The following MFSD6 variants were observed in gnomAD, a reference collection of about 807,000 sequenced individuals.
The protein encoded by MFSD6 is major facilitator superfamily domain containing 6.
In MFSD6, 26 loss-of-function variants were observed where a neutral mutation model predicts 56.3. That is an observed-to-expected ratio of 0.46 (90% confidence interval 0.34 to 0.64). The LOEUF is 0.64. Among genes scored for constraint, MFSD6 ranks in the 30% least tolerant of loss-of-function variants. The pLI, the probability that MFSD6 is intolerant of heterozygous loss-of-function variation, is 0.01. For missense variants in MFSD6, 750 were observed against 986.2 expected, an observed-to-expected ratio of 0.76 and a Z score of 3.21; for synonymous variants, 331 against 366.9, an observed-to-expected ratio of 0.90 and a Z score of 1.12.
rs1225599501 is a variant in MFSD6 at position 190,434,034 on chromosome 2, T to C, written c.-53-1943T>C. ...GGCAAAAACCCCATCTCTACAAAAA[T>C]TAGTTGGGCATGGTGGCACACGTCT... On this transcript the variant is annotated intron_variant, in intron 2 of 7. Coordinates refer to ENST00000392328, the MANE Select transcript of MFSD6 (RefSeq NM_017694.4). This position sits in a 1 kb window ranked among gnomAD's most constrained non-coding sequence, Gnocchi z 4.3. Among the ~76,000 whole-genome samples the C allele has an allele frequency of 6.6e-6, 1 of 151,658 alleles. No homozygotes were observed. Among genetic ancestry groups the C allele is most frequent in the Non-Finnish European group, 1.5e-5 (1 of 67,926 alleles).
chr2:190,422,856 T>G (rs1685671799), intron 2 of MFSD6, among the ~76,000 whole-genome samples: 1 of 152,184 alleles, frequency 6.6e-6, no homozygotes, highest in Non-Finnish European at 1.5e-5. Context: ...GGAGATGCTA[T>G]ATCTGTCTCA....
chr2:190,439,298 G>A lies in MFSD6; in HGVS notation c.1532+1737G>A, dbSNP rs1043427103. On this transcript the variant is annotated intron_variant, in intron 3 of 7. Coordinates refer to ENST00000392328, the MANE Select transcript of MFSD6 (RefSeq NM_017694.4). This position sits in a 1 kb window ranked among gnomAD's most constrained non-coding sequence, Gnocchi z 5.8. ...GACATCATTATTTAATAAGTCAATA[G>A]CATGAGTTGAACACTGACTCAGTAC... 6.6e-6 allele frequency among the ~76,000 whole-genome samples: 1 copy of A among 152,004 alleles called. No homozygotes were observed. The highest frequency in any genetic ancestry group is 1.9e-4 in the East Asian group (1 of 5,188).
rs1022169566 is a variant in MFSD6 at position 190,458,293 on chromosome 2, G to A, written c.1533-11465G>A. Among the ~76,000 whole-genome samples the A allele has an allele frequency of 3.9e-5, 6 of 152,088 alleles. No individual in the cohort carries two copies. ...AAGGATGTCATGAAATTAAAATCAGGTCATTAGGGTCAGCCCTCATCTGTT... is the reference window on the plus strand; with the variant it reads ...AAGGATGTCATGAAATTAAAATCAGATCATTAGGGTCAGCCCTCATCTGTT... On this transcript the variant is annotated intron_variant, in intron 3 of 7. Transcript: ENST00000392328. The surrounding 1 kb of genome is among the most constrained non-coding windows in gnomAD (Gnocchi z 5.3).
At position 190,431,471 on chromosome 2, in the gene MFSD6, G is replaced by C. The variant is rs1213010137; in HGVS notation, c.-53-4506G>C. ...CAATCCCGGCACCTCTGGAGGCCGA[G>C]GCTGGCGGATCACTCGCGATTAGGA... On this transcript the variant is annotated intron_variant, in intron 2 of 7. Transcript: ENST00000392328. The surrounding 1 kb of genome is among the most constrained non-coding windows in gnomAD (Gnocchi z 4.4). 2.0e-5 allele frequency among the ~76,000 whole-genome samples: 3 copies of C among 152,260 alleles called. No individual in the cohort carries two copies. The highest frequency in any genetic ancestry group is 4.1e-4 in the South Asian group (2 of 4,832).
rs571519137 is a variant in MFSD6, at chr2:190,488,059, C to T, written c.1631-598C>T. Among the ~76,000 whole-genome samples the T allele has an allele frequency of 2.6e-5, 4 of 152,258 alleles. No homozygotes were observed. Among genetic ancestry groups the T allele is most frequent in the South Asian group, 2.1e-4 (1 of 4,824 alleles). Reference sequence around the variant, plus strand: ...CTGGGACTATAGGCGTGCACCACCACGCCAGGCTAATTTTTTGTATTTTAG... The same window carrying T: ...CTGGGACTATAGGCGTGCACCACCATGCCAGGCTAATTTTTTGTATTTTAG... On this transcript the variant is annotated intron_variant, in intron 4 of 7. Coordinates refer to ENST00000392328, the MANE Select transcript of MFSD6 (RefSeq NM_017694.4). The surrounding 1 kb of genome is among the most constrained non-coding windows in gnomAD (Gnocchi z 6.4).
At chr2:190,483,477 T>C (rs1688818198) in intron 4 of MFSD6, among the ~76,000 whole-genome samples, 2 of 152,224 alleles carry the variant, frequency 1.3e-5, no homozygotes, top group South Asian at 2.1e-4. Flanking sequence ...ATTGGAGGAA[T>C]AGATTCAATA....
intron 3 of MFSD6, among the ~76,000 whole-genome samples, chr2:190,468,745 C>T (rs1004487297): frequency 1.3e-5 from 2 of 151,610 alleles, no homozygotes; most frequent in Non-Finnish European, 2.9e-5. Context: ...AGGCATGAGT[C>T]AATACACTCA....
rs1334252013 is a variant in MFSD6 at position 190,489,087 on chromosome 2, AAATG to A, written c.1792+273_1792+276del. Among the ~76,000 whole-genome samples the A allele has an allele frequency of 1.3e-5, 2 of 152,228 alleles. No homozygotes were observed. The highest frequency in any genetic ancestry group is 4.8e-5 in the African/African-American group (2 of 41,452). ...CAGAGATCCCTCAAAGGAGCCAAAC[AAATG>A]AATTAGCATGAGTGCTTTTGGTCTA... On this transcript the variant is annotated intron_variant, in intron 5 of 7. Coordinates refer to ENST00000392328, the MANE Select transcript of MFSD6 (RefSeq NM_017694.4). The surrounding 1 kb of genome is among the most constrained non-coding windows in gnomAD (Gnocchi z 6.6).
chr2:190,455,261 A>C, intron 3 of MFSD6, among the ~76,000 whole-genome samples: 1 of 147,210 alleles, frequency 6.8e-6, no homozygotes, highest in Non-Finnish European at 1.5e-5. Flanking sequence ...CATTATTACT[A>C]TTAAGTTATT....
chr2:190,416,338 A>G lies in MFSD6; in HGVS notation c.-54+925A>G, dbSNP rs557900112. Among the ~76,000 whole-genome samples the G allele has an allele frequency of 3.4e-4, 52 of 152,338 alleles. No homozygotes were observed. Among genetic ancestry groups the G allele is most frequent in the African/African-American group, 1.2e-3 (49 of 41,570 alleles). On this transcript the variant is annotated intron_variant, in intron 2 of 7. Transcript: ENST00000392328. This position sits in a 1 kb window ranked among gnomAD's most constrained non-coding sequence, Gnocchi z 4.1. ...CCTTTTTCACCCTGTTAGCAAGTTG[A>G]AAGGAAATGTTAGAGAGGATTTCAG...
rs964662533 is a variant in MFSD6, at chr2:190,417,241, C to T, written c.-54+1828C>T. On this transcript the variant is annotated intron_variant, in intron 2 of 7. Transcript: ENST00000392328. This position sits in a 1 kb window ranked among gnomAD's most constrained non-coding sequence, Gnocchi z 5.7. ...TGTTTGTTCTGAAATGATACCATCA[C>T]AGGACTTCAGTACTGGATCATTAGC... is the stretch of plus-strand genomic sequence containing the variant. Among the ~76,000 whole-genome samples the T allele has an allele frequency of 1.3e-5, 2 of 152,162 alleles. No homozygotes were observed. Among genetic ancestry groups the T allele is most frequent in the Non-Finnish European group, 2.9e-5 (2 of 68,036 alleles).
rs990532825 is a variant in MFSD6 at position 190,496,735 on chromosome 2, A to G, written c.1892-704A>G. 5.3e-5 allele frequency among the ~76,000 whole-genome samples: 8 copies of G among 152,198 alleles called. No individual in the cohort carries two copies. Among genetic ancestry groups the G allele is most frequent in the Admixed American group, 5.2e-4 (8 of 15,288 alleles). On this transcript the variant is annotated intron_variant, in intron 6 of 7. Transcript: ENST00000392328. The surrounding 1 kb of genome is among the most constrained non-coding windows in gnomAD (Gnocchi z 4.7). ...ACAATGGAATACTACTCAGCCATAA[A>G]AAGGAATGAATTAATGGCATTCACA...
rs1248609972 is a variant in MFSD6 at position 190,424,108 on chromosome 2, G to A, written c.-54+8695G>A. ...CTTGTGTTTTCATCCTCTTTGCAGA[G>A]TCTTTTAAAGAGCAAAAGTTTTAAA... On this transcript the variant is annotated intron_variant, in intron 2 of 7. Coordinates refer to ENST00000392328, the MANE Select transcript of MFSD6 (RefSeq NM_017694.4). The surrounding 1 kb of genome is among the most constrained non-coding windows in gnomAD (Gnocchi z 5.9). Among the ~76,000 whole-genome samples, 2 of 152,040 alleles carry A rather than the reference G, an allele frequency of 1.3e-5. No homozygotes were observed. Among genetic ancestry groups the A allele is most frequent in the Non-Finnish European group, 2.9e-5 (2 of 68,002 alleles).
At chr2:190,482,015 A>AC (rs1559137085) in intron 4 of MFSD6, among the ~76,000 whole-genome samples, 1 of 151,944 alleles carries the variant, frequency 6.6e-6, no homozygotes. Flanking sequence ...GTTAGGTATG[A>AC]CCATGTGGTT....
intron 4 of MFSD6, among the ~76,000 whole-genome samples, chr2:190,473,557 C>A (rs1267409568): frequency 1.3e-5 from 2 of 152,104 alleles, no homozygotes; most frequent in Non-Finnish European, 2.9e-5. Flanking sequence ...TACAGGAGCA[C>A]CCAGATTCAT....
In MFSD6 at chr2:190,489,626, TG is replaced by T; in HGVS notation, c.1793-140del. ...CCCAGCCCTGTGTTTTTCCATTATG[TG>T]GAGCTAATACCCAACTACTTTTCTC... On this transcript the variant is annotated intron_variant, in intron 5 of 7. Coordinates refer to ENST00000392328, the MANE Select transcript of MFSD6 (RefSeq NM_017694.4). The surrounding 1 kb of genome is among the most constrained non-coding windows in gnomAD (Gnocchi z 6.6). The T allele has an allele frequency of 1.5e-6, 1 of 688,290 alleles. No homozygotes were observed. Among genetic ancestry groups the T allele is most frequent in the Non-Finnish European group, 2.4e-6 (1 of 411,622 alleles). 42.6% of individuals were successfully genotyped at this position (688,290 alleles called of 1,614,324 possible). A position where few individuals can be genotyped will look rare whatever the true frequency, so the allele number is the denominator to read the frequency against.
chr2:190,435,066 C>T (rs948842412), intron 2 of MFSD6, among the ~76,000 whole-genome samples: 1 of 152,170 alleles, frequency 6.6e-6, no homozygotes, highest in African/African-American at 2.4e-5. Context: ...CCAAAACCAA[C>T]CCCCCTCTCC....
At chr2:190,477,929 G>A (rs1047839044) in intron 4 of MFSD6, among the ~76,000 whole-genome samples, 2 of 147,274 alleles carry the variant, frequency 1.4e-5, no homozygotes, top group African/African-American at 2.4e-5. Context: ...GGTCTAAAGA[G>A]AGTAGGCATT....
chr2:190,486,251 G>A (rs767133033), intron 4 of MFSD6, among the ~76,000 whole-genome samples: 55 of 152,316 alleles, frequency 3.6e-4, no homozygotes, highest in Middle Eastern at 3.4e-3. Flanking sequence ...AGTGTTCCCC[G>A]CCTTGTGTGG....
Sources: gnomAD v4.1 joint callset for allele counts (sites outside exome capture counted in the v4.1 genomes callset) on GRCh38, gnomAD v4.1.1 for gene constraint, Gnocchi (gnomAD v3.1) non-coding constraint, MANE v1.5 for transcripts, NCBI Gene and HGNC (gene_info 2026-07-23, HGNC 2026-07-21) for gene names.